The following ATP5MG variants were observed in gnomAD, a reference collection of about 807,000 sequenced individuals.
ATP5MG encodes ATP synthase membrane subunit g.
Under a neutral mutation model 12.7 loss-of-function variants are expected in ATP5MG, and 7 were observed. The ratio of observed to expected loss-of-function variants is 0.55; its 90% CI spans 0.31 to 1.04. The LOEUF is 1.04. Among genes scored for constraint, ATP5MG ranks in the 50% least tolerant of loss-of-function variants. The pLI is 0.05. For synonymous variants in ATP5MG, 53 were observed against 48.2 expected (o/e 1.10, Z -0.41); for missense variants, 116 against 126.7 (o/e 0.92, Z 0.41).
Position 118,401,621 on chromosome 11 carries a change from C to G in ATP5MG, c.-45C>G, listed in dbSNP as rs907408673. The G allele has an allele frequency of 2.5e-6, 4 of 1,612,738 alleles. No individual in the cohort carries two copies. The highest frequency in any genetic ancestry group is 3.4e-6 in the Non-Finnish European group (4 of 1,178,942). On this transcript the variant is annotated 5_prime_UTR_variant, in exon 1 of 3. Transcript: ENST00000300688. ...TGCAGCGGGTCCTTCCGGCGGGTGA[C>G]ATTCAGCCGGCGGTTCGGGGCGACG...
chr11:118,402,433 C>T (rs1297286129), intron 1 of ATP5MG, among the ~76,000 whole-genome samples: 1 of 152,068 alleles, frequency 6.6e-6, no homozygotes, highest in East Asian at 1.9e-4. Context: ...CCTCTGAGTA[C>T]TAGTTTATTT....
intron 2 of ATP5MG, among the ~76,000 whole-genome samples, chr11:118,407,889 G>A (rs765645118): frequency 3.3e-5 from 5 of 151,808 alleles, no homozygotes; most frequent in Non-Finnish European, 7.4e-5. Flanking sequence ...AAGGCTGGGC[G>A]CAGTGGCTCA....
At chr11:118,408,950 A>G in intron 2 of ATP5MG, 50 bp from the exon 3 acceptor site, 1 of 454,952 alleles carries the variant, frequency 2.2e-6, no homozygotes, top group Non-Finnish European at 3.4e-6. Flanking sequence ...TATATATATA[A>G]TTATATATAT....
chr11:118,405,583 T>G, intron 1 of ATP5MG: 1 of 821,402 alleles, frequency 1.2e-6, no homozygotes, highest in Non-Finnish European at 1.5e-6. Context: ...GAAATGTCTG[T>G]GTGTTGGAGA....
chr11:118,409,301 C>A lies in ATP5MG; in HGVS notation c.*203C>A. The A allele has an allele frequency of 3.5e-6, 1 of 284,942 alleles. No individual in the cohort carries two copies. Among genetic ancestry groups the A allele is most frequent in the Non-Finnish European group, 6.6e-6 (1 of 152,272 alleles). The allele number at this position is 284,942 out of a possible 1,614,324, so 17.7% of individuals were successfully genotyped here. ...ACCCTAAATACACGTCTGTTTAGCC[C>A]GCAATTGGAAAGGATATATGTGGCA... is the stretch of plus-strand genomic sequence containing the variant. On this transcript the variant is annotated 3_prime_UTR_variant, in exon 3 of 3. Transcript: ENST00000300688.
At chr11:118,407,228 G>C in intron 2 of ATP5MG, 131 bp downstream of exon 2, 1 of 1,307,444 alleles carries the variant, frequency 7.6e-7, no homozygotes, top group Non-Finnish European at 1.0e-6. Context: ...AAAAAATTTT[G>C]ACTGCTGAGG....
At chr11:118,407,310 G>C in intron 2 of ATP5MG, 1 of 746,612 alleles carries the variant, frequency 1.3e-6, no homozygotes, top group Non-Finnish European at 2.0e-6. Flanking sequence ...AGTTTCCTAA[G>C]AGTCTTAAAC....
intron 1 of ATP5MG, chr11:118,403,907 G>C (rs1211274730): frequency 1.3e-5 from 2 of 151,986 alleles, no homozygotes; most frequent in Admixed American, 6.6e-5. Flanking sequence ...TTCTGGTGTG[G>C]CTTTCACATT....
chr11:118,407,389 A>C, intron 2 of ATP5MG: 1 of 286,114 alleles, frequency 3.5e-6, no homozygotes, highest in Non-Finnish European at 6.6e-6. Context: ...GTATACTAAA[A>C]TATGATGGCT....
At chr11:118,403,660 G>T (rs1489783701) in intron 1 of ATP5MG, among the ~76,000 whole-genome samples, 1 of 151,622 alleles carries the variant, frequency 6.6e-6, no homozygotes, top group Non-Finnish European at 1.5e-5. Context: ...GGGCATGGTG[G>T]CAGGCGCCTA....
rs556449658 is a variant in ATP5MG at position 118,407,105 on chromosome 11, C to T, written c.213+8C>T. Reference sequence around the variant, plus strand: ...AAACAGCTCACAGTTAAGGTAACCACGGGCTAAATGAAAACGGATGTGCAT... The same window carrying T: ...AAACAGCTCACAGTTAAGGTAACCATGGGCTAAATGAAAACGGATGTGCAT... On this transcript the variant is annotated splice_region_variant and intron_variant, in intron 2 of 2. Transcript: ENST00000300688. The T allele has an allele frequency of 8.7e-6, 14 of 1,613,786 alleles. No homozygotes were observed. Among genetic ancestry groups the T allele is most frequent in the South Asian group, 1.1e-5 (1 of 91,070 alleles).
At chr11:118,401,826 G>A (rs1555131145) in intron 1 of ATP5MG, 109 bp downstream of exon 1, 3 of 1,333,246 alleles carry the variant, frequency 2.3e-6, no homozygotes, top group Non-Finnish European at 3.1e-6. Context: ...TGCGGGTGCC[G>A]GGGCGGGATG....
Position 118,407,101 on chromosome 11 carries a change from A to G in ATP5MG, c.213+4A>G. The G allele has an allele frequency of 6.2e-7, 1 of 1,613,978 alleles. No homozygotes were observed. The highest frequency in any genetic ancestry group is 8.5e-7 in the Non-Finnish European group (1 of 1,179,988). ...CTTCAAACAGCTCACAGTTAAGGTA[A>G]CCACGGGCTAAATGAAAACGGATGT... On this transcript the variant is annotated splice_donor_region_variant and intron_variant, in intron 2 of 2. Coordinates refer to ENST00000300688, the MANE Select transcript of ATP5MG (RefSeq NM_006476.5).
chr11:118,403,625 G>A (rs1419832387), intron 1 of ATP5MG, among the ~76,000 whole-genome samples: 2 of 151,680 alleles, frequency 1.3e-5, no homozygotes, highest in Non-Finnish European at 2.9e-5. Flanking sequence ...GTGAAACCTC[G>A]TCTCTACTAA....
intron 2 of ATP5MG, among the ~76,000 whole-genome samples, chr11:118,407,763 T>A (rs1332232969): frequency 1.3e-5 from 2 of 152,024 alleles, no homozygotes; most frequent in African/African-American, 4.8e-5. Context: ...TCCCAACTAC[T>A]TGGGAGGCTG....
intron 1 of ATP5MG, chr11:118,405,833 C>T: frequency 2.8e-6 from 1 of 351,424 alleles, no homozygotes; most frequent in African/African-American, 2.2e-5. Flanking sequence ...ACAGTAGACA[C>T]TTTATGGGCT....
At chr11:118,407,919 T>C (rs1360261370) in intron 2 of ATP5MG, among the ~76,000 whole-genome samples, 1 of 151,870 alleles carries the variant, frequency 6.6e-6, no homozygotes, top group Non-Finnish European at 1.5e-5. Flanking sequence ...TCCCAGCACT[T>C]TGGGAGGCCG....
chr11:118,406,903 C>G (rs1555132172), intron 1 of ATP5MG, 34 bp from the exon 2 acceptor site: 4 of 1,557,886 alleles, frequency 2.6e-6, no homozygotes, highest in Non-Finnish European at 3.5e-6. Flanking sequence ...TGAGTTCATC[C>G]TGGTTTTTTG....
At chr11:118,405,962 A>G (rs185785151) in intron 1 of ATP5MG, among the ~76,000 whole-genome samples, 112 of 152,296 alleles carry the variant, frequency 7.4e-4, no homozygotes, top group African/African-American at 2.7e-3. Context: ...TCCCGTGTTC[A>G]AGCAATTCTT....
Sources: gnomAD v4.1 joint callset for allele counts (sites outside exome capture counted in the v4.1 genomes callset) on GRCh38, gnomAD v4.1.1 for gene constraint, MANE v1.5 for transcripts, NCBI Gene and HGNC (gene_info 2026-07-23, HGNC 2026-07-21) for gene names.